The following UGGT2 variants were observed in gnomAD, a reference collection of about 807,000 sequenced individuals.
UGGT2 encodes the protein UDP-glucose glycoprotein glucosyltransferase 2.
UGGT2 carries 180 observed loss-of-function variants against 192.1 expected under a neutral mutation model. The ratio of observed to expected loss-of-function variants is 0.94; its 90% confidence interval spans 0.83 to 1.06. The LOEUF (loss-of-function observed/expected upper bound fraction) is 1.06. Among genes scored for constraint, UGGT2 ranks in the 50% least tolerant of loss-of-function variants. The pLI is 0.00. For synonymous variants in UGGT2, 580 were observed against 591.0 expected (o/e 0.98, Z 0.27); for missense variants, 1,849 against 1,795.7 (o/e 1.03, Z -0.54).
chr13:95,983,088 C>T lies in UGGT2; in HGVS notation c.1092+716G>A, dbSNP rs576463977. Among the ~76,000 whole-genome samples, 8 of 152,256 alleles carry T rather than the reference C, an allele frequency of 5.3e-5. No individual in the cohort carries two copies. In the South Asian group the frequency reaches 1.2e-3, roughly 24 times the overall value. ...AAACACTAGCTTTTCTAGCTTCCCG[C>T]GCAGCCTAAGGTGGCCACATGGCAA... On this transcript the variant is annotated intron_variant, in intron 10 of 38. Transcript: ENST00000376747.
chr13:95,835,426 A>G (rs1887176758), intron 37 of UGGT2, among the ~76,000 whole-genome samples: 1 of 152,210 alleles, frequency 6.6e-6, no homozygotes, highest in African/African-American at 2.4e-5. Context: ...CCCTAACAAC[A>G]TATTAGTAGT....
chr13:95,829,554 T>C (rs1367258195), intron 38 of UGGT2, among the ~76,000 whole-genome samples: 3 of 152,026 alleles, frequency 2.0e-5, no homozygotes, highest in Admixed American at 6.6e-5. Flanking sequence ...AAATCATGAG[T>C]GAACTCCCAT....
chr13:96,018,011 T>A (rs915724722), intron 4 of UGGT2, among the ~76,000 whole-genome samples: 4 of 152,206 alleles, frequency 2.6e-5, no homozygotes, highest in African/African-American at 9.6e-5. Flanking sequence ...TAACTTTGTA[T>A]CATACATAAA....
At position 95,973,107 on chromosome 13, in the gene UGGT2, T is replaced by C. The variant is rs185440385; in HGVS notation, c.1093-436A>G. 3.5e-3 allele frequency among the ~76,000 whole-genome samples: 533 copies of C among 152,078 alleles called. 6 individuals are homozygous for C. The highest frequency in any genetic ancestry group is 0.012 in the African/African-American group (482 of 41,478). ...ATCACTTGAATCCAGGAGGCGGAGG[T>C]TGCAGTGAGCCAAGATTGCACCATT... On this transcript the variant is annotated intron_variant, in intron 10 of 38. Coordinates refer to ENST00000376747, the MANE Select transcript of UGGT2 (RefSeq NM_020121.4).
chr13:95,891,017 A>G (rs933337683), intron 24 of UGGT2, 53 bp from the exon 25 acceptor site: 7 of 1,266,670 alleles, frequency 5.5e-6, no homozygotes, highest in African/African-American at 4.5e-5. Context: ...TATACAAACA[A>G]CTAATCATGA....
At chr13:95,984,565 A>G (rs1329567088) in intron 9 of UGGT2, among the ~76,000 whole-genome samples, 3 of 152,076 alleles carry the variant, frequency 2.0e-5, no homozygotes, top group African/African-American at 7.2e-5. Flanking sequence ...CCTGGCCTCA[A>G]GTGACCCTCC....
At chr13:95,908,258 C>A (rs1352637114) in intron 20 of UGGT2, among the ~76,000 whole-genome samples, 1 of 151,996 alleles carries the variant, frequency 6.6e-6, no homozygotes, top group Admixed American at 6.6e-5. Context: ...GTGAAAAGAC[C>A]AAATCTACGT....
chr13:95,983,775 A>T (rs1016905589), intron 10 of UGGT2, 29 bp downstream of exon 10: 9 of 1,448,728 alleles, frequency 6.2e-6, no homozygotes, highest in Non-Finnish European at 8.5e-6. Flanking sequence ...TAGTTGGGTA[A>T]ATGTTTTAAA....
chr13:95,820,438 CT>C (rs1371886985), intron 38 of UGGT2, among the ~76,000 whole-genome samples: 6 of 151,984 alleles, frequency 3.9e-5, no homozygotes, highest in African/African-American at 1.5e-4. Flanking sequence ...GTGGTGGTAA[CT>C]TTGGTAACAA....
At chr13:96,033,434 G>T (rs1009654435) in intron 1 of UGGT2, among the ~76,000 whole-genome samples, 1 of 152,034 alleles carries the variant, frequency 6.6e-6, no homozygotes, top group East Asian at 1.9e-4. Flanking sequence ...GTCCGGACCC[G>T]GACATCCCTG....
intron 38 of UGGT2, among the ~76,000 whole-genome samples, chr13:95,813,347 G>A (rs531346461): frequency 2.6e-5 from 4 of 152,216 alleles, no homozygotes; most frequent in Non-Finnish European, 5.9e-5. Context: ...CTGGAGCAAA[G>A]TCATACATGT....
rs1594495634 is a variant in UGGT2 at position 95,979,816 on chromosome 13, C to T, written c.1092+3988G>A. On this transcript the variant is annotated intron_variant, in intron 10 of 38. Coordinates refer to ENST00000376747, the MANE Select transcript of UGGT2 (RefSeq NM_020121.4). Reference sequence around the variant, plus strand: ...AATCAGCAAGAAAAAAAAATCCCATCAAAAAGTGGGCTAAGAACATGAATT... The same window carrying T: ...AATCAGCAAGAAAAAAAAATCCCATTAAAAAGTGGGCTAAGAACATGAATT... Among the ~76,000 whole-genome samples, 4 of 151,948 alleles carry T rather than the reference C, an allele frequency of 2.6e-5. No homozygotes were observed. The East Asian group carries it at 7.7e-4, about 29-fold the overall frequency.
intron 12 of UGGT2, among the ~76,000 whole-genome samples, chr13:95,962,230 C>G (rs1187240715): frequency 6.6e-6 from 1 of 151,724 alleles, no homozygotes; most frequent in Non-Finnish European, 1.5e-5. Flanking sequence ...AAGATCAGAG[C>G]AGAACTAAAT....
chr13:95,909,943 T>A (rs1437307561), intron 20 of UGGT2, among the ~76,000 whole-genome samples: 1 of 151,910 alleles, frequency 6.6e-6, no homozygotes, highest in Non-Finnish European at 1.5e-5. Flanking sequence ...TATTCAACAT[T>A]CTTAAAGGAA....
intron 20 of UGGT2, among the ~76,000 whole-genome samples, chr13:95,921,697 T>C (rs1035303342): frequency 2.0e-5 from 3 of 152,024 alleles, no homozygotes; most frequent in Non-Finnish European, 2.9e-5. Flanking sequence ...TCACTACTCA[T>C]CAGAGAGATG....
chr13:95,908,193 TAG>T (rs2048354675), intron 20 of UGGT2, among the ~76,000 whole-genome samples: 1 of 152,048 alleles, frequency 6.6e-6, no homozygotes, highest in African/African-American at 2.4e-5. Context: ...AAGACAAGCT[TAG>T]AGAAAAAAGA....
intron 4 of UGGT2, among the ~76,000 whole-genome samples, chr13:96,018,519 AAAAT>A (rs911565390): frequency 9.8e-5 from 15 of 152,298 alleles, no homozygotes; most frequent in African/African-American, 2.2e-4. Context: ...TTGTCTCAAA[AAAAT>A]AAATAAATAA....
At chr13:95,887,224 G>T (rs776843955) in intron 26 of UGGT2, 2 of 489,078 alleles carry the variant, frequency 4.1e-6, no homozygotes, top group East Asian at 5.7e-5. Context: ...ATACAGAGAT[G>T]AGCACATTAA....
chr13:96,019,698 T>C (rs887946176), intron 4 of UGGT2, among the ~76,000 whole-genome samples: 9 of 152,198 alleles, frequency 5.9e-5, no homozygotes, highest in African/African-American at 1.9e-4. Flanking sequence ...TGCCCATCTG[T>C]AGTCTTCCAA....
Sources: gnomAD v4.1 joint callset for allele counts (sites outside exome capture counted in the v4.1 genomes callset) on GRCh38, gnomAD v4.1.1 for gene constraint, MANE v1.5 for transcripts, NCBI Gene and HGNC (gene_info 2026-07-23, HGNC 2026-07-21) for gene names.